Variants in SLC41A2 observed in about 807,000 individuals in gnomAD.
SLC41A2 encodes the protein solute carrier family 41 member 2, also known as SLC41A1-like 1.
In SLC41A2, 32 loss-of-function variants were observed where a neutral mutation model predicts 58.3. The ratio of observed to expected loss-of-function variants is 0.55; its 90% CI spans 0.41 to 0.74. The LOEUF is 0.74. SLC41A2 is among the 30% of genes least tolerant of loss of function. The pLI is 0.00. For missense variants in SLC41A2, 514 were observed against 680.6 expected, an observed-to-expected ratio of 0.76 and a Z score of 2.72; for synonymous variants, 190 against 235.0, an observed-to-expected ratio of 0.81 and a Z score of 1.75.
At chr12:104,945,134 C>T (rs111928545) in intron 1 of SLC41A2, among the ~76,000 whole-genome samples, 5,788 of 151,748 alleles carry the variant, frequency 0.038, 149 homozygotes, top group East Asian at 0.1. Context: ...CACACCACTG[C>T]ACTCCAGCCT....
Position 104,928,666 on chromosome 12 carries a change from T to C in SLC41A2, c.-139A>G, listed in dbSNP as rs1299449788. On this transcript the variant is annotated 5_prime_UTR_variant, in exon 2 of 11. Transcript: ENST00000258538. ...AGAAAATATTTCCACTAATAAAAGATGTTCAGAAGTTCCACAGAAGGACTG... is the reference window on the plus strand; with the variant it reads ...AGAAAATATTTCCACTAATAAAAGACGTTCAGAAGTTCCACAGAAGGACTG... The C allele has an allele frequency of 1.1e-5, 5 of 459,828 alleles. No individual in the cohort carries two copies. Among genetic ancestry groups the C allele is most frequent in the Non-Finnish European group, 7.4e-6 (2 of 269,386 alleles). 28.5% of individuals were successfully genotyped at this position (459,828 alleles called of 1,614,324 possible). A position where few individuals can be genotyped will look rare whatever the true frequency, so the allele number is the denominator to read the frequency against.
At chr12:104,823,336 A>C (rs1296325268) in intron 10 of SLC41A2, among the ~76,000 whole-genome samples, 1 of 152,204 alleles carries the variant, frequency 6.6e-6, no homozygotes, top group Admixed American at 6.5e-5. Context: ...AAGAGTTTGC[A>C]ATTTTAAAAA....
chr12:104,944,607 T>C (rs2047639636), intron 1 of SLC41A2, among the ~76,000 whole-genome samples: 1 of 152,196 alleles, frequency 6.6e-6, no homozygotes, highest in Admixed American at 6.5e-5. Flanking sequence ...CACTATTTTA[T>C]TCAAATACCA....
In SLC41A2 at chr12:104,928,153, T is replaced by C; in HGVS notation, c.375A>G (p.Glu125=). The change falls in exon 2 of 11, where the codon GAA becomes GAG. Residue 125 remains glutamate (E), a synonymous_variant. Coordinates refer to ENST00000258538, the MANE Select transcript of SLC41A2 (RefSeq NM_001352171.3). ...YNYCDGRETS[E]TTAMLQDEDI... ...CTTCATCTTGTAACATGGCAGTGGT[T>C]TCTGAAGTCTCCCTTCCATCACAGT... is the stretch of plus-strand genomic sequence containing the variant. The C allele has an allele frequency of 6.2e-7, 1 of 1,614,196 alleles. No individual in the cohort carries two copies. The highest frequency in any genetic ancestry group is 1.1e-5 in the South Asian group (1 of 91,076).
intron 1 of SLC41A2, among the ~76,000 whole-genome samples, chr12:104,948,380 G>A (rs2047813734): frequency 1.3e-5 from 2 of 152,144 alleles, no homozygotes; most frequent in Non-Finnish European, 2.9e-5. Flanking sequence ...TAATCAGTAA[G>A]TCCTAAAAAA....
At chr12:104,828,829 A>G (rs370064730) in intron 10 of SLC41A2, among the ~76,000 whole-genome samples, 28 of 152,032 alleles carry the variant, frequency 1.8e-4, no homozygotes, top group African/African-American at 6.8e-4. Context: ...TTATAACTCC[A>G]TAAGTCAACC....
chr12:104,951,831 C>T (rs1171818413), intron 1 of SLC41A2, among the ~76,000 whole-genome samples: 1 of 150,046 alleles, frequency 6.7e-6, no homozygotes, highest in Admixed American at 6.6e-5. Context: ...TACTTTTGCA[C>T]CAACCTAATA....
intron 8 of SLC41A2, among the ~76,000 whole-genome samples, chr12:104,860,598 T>C (rs1357738688): frequency 6.6e-6 from 1 of 152,114 alleles, no homozygotes; most frequent in Admixed American, 6.5e-5. Flanking sequence ...CTTTTATTTT[T>C]TTTTAAGACA....
At chr12:104,866,799 C>T (rs1270291056) in intron 6 of SLC41A2, among the ~76,000 whole-genome samples, 1 of 151,994 alleles carries the variant, frequency 6.6e-6, no homozygotes, top group Non-Finnish European at 1.5e-5. Context: ...TAAACATTTA[C>T]TAAAATAGTT....
chr12:104,865,301 A>C (rs753426085), intron 7 of SLC41A2, among the ~76,000 whole-genome samples: 13 of 152,162 alleles, frequency 8.5e-5, no homozygotes, highest in Non-Finnish European at 1.6e-4. Context: ...CCACATCCTC[A>C]CATGTACAGA....
intron 8 of SLC41A2, among the ~76,000 whole-genome samples, chr12:104,853,254 C>T (rs534253584): frequency 3.0e-4 from 45 of 152,298 alleles, no homozygotes; most frequent in African/African-American, 1.0e-3. Flanking sequence ...CAAATTCTGT[C>T]AAGAATTCCT....
Position 104,804,246 on chromosome 12 carries a change from T to C in SLC41A2, c.*906A>G, listed in dbSNP as rs939295272. 3 of 151,404 alleles carry C rather than the reference T, an allele frequency of 2.0e-5. No homozygotes were observed. Among genetic ancestry groups the C allele is most frequent in the Non-Finnish European group, 4.4e-5 (3 of 67,926 alleles). The allele number at this position is 151,404 out of a possible 1,614,324, so 9.4% of individuals were successfully genotyped here. A position where few individuals can be genotyped will look rare whatever the true frequency, so the allele number is the denominator to read the frequency against. Reference sequence around the variant, plus strand: ...CAATGACAAAAACATGTTAATAGAATGTGTTTAAGAATAACTCTATATTGC... The same window carrying C: ...CAATGACAAAAACATGTTAATAGAACGTGTTTAAGAATAACTCTATATTGC... On this transcript the variant is annotated 3_prime_UTR_variant, in exon 11 of 11. Coordinates refer to ENST00000258538, the MANE Select transcript of SLC41A2 (RefSeq NM_001352171.3).
chr12:104,809,722 T>C (rs1311757883), intron 10 of SLC41A2, among the ~76,000 whole-genome samples: 6 of 152,150 alleles, frequency 3.9e-5, no homozygotes, highest in Non-Finnish European at 7.4e-5. Flanking sequence ...GAAGAAAATA[T>C]GGGGCCTAAT....
At chr12:104,870,467 A>G (rs1233238170) in intron 6 of SLC41A2, among the ~76,000 whole-genome samples, 18 of 152,254 alleles carry the variant, frequency 1.2e-4, no homozygotes, top group Admixed American at 9.2e-4. Flanking sequence ...TTAAGCCACA[A>G]GGTTTGTGCT....
At chr12:104,834,172 G>C in intron 10 of SLC41A2, 1 of 985,336 alleles carries the variant, frequency 1.0e-6, no homozygotes. Context: ...TGGAGCCCAA[G>C]CATACCTATC....
chr12:104,811,266 A>C (rs919143981), intron 10 of SLC41A2, among the ~76,000 whole-genome samples: 1 of 152,232 alleles, frequency 6.6e-6, no homozygotes, highest in Non-Finnish European at 1.5e-5. Flanking sequence ...AAGAGCAAAA[A>C]ATTGTATCTA....
chr12:104,956,296 T>C (rs1788580850), intron 1 of SLC41A2, among the ~76,000 whole-genome samples: 1 of 152,174 alleles, frequency 6.6e-6, no homozygotes, highest in Admixed American at 6.5e-5. Flanking sequence ...CGGTATCAGA[T>C]TGGTTGGATT....
intron 6 of SLC41A2, among the ~76,000 whole-genome samples, chr12:104,885,554 G>T (rs558362399): frequency 6.6e-6 from 1 of 152,058 alleles, no homozygotes; most frequent in Admixed American, 6.5e-5. Flanking sequence ...TTTTTTTCTT[G>T]TATTACTGTA....
At chr12:104,896,801 C>G (rs1309130439) in intron 3 of SLC41A2, among the ~76,000 whole-genome samples, 1 of 152,216 alleles carries the variant, frequency 6.6e-6, no homozygotes, top group Non-Finnish European at 1.5e-5. Flanking sequence ...AGGCTTGGAG[C>G]TACATTCCCC....
Sources: gnomAD v4.1 joint callset for allele counts (sites outside exome capture counted in the v4.1 genomes callset) on GRCh38, gnomAD v4.1.1 for gene constraint, MANE v1.5 for transcripts, NCBI Gene and HGNC (gene_info 2026-07-23, HGNC 2026-07-21) for gene names.